Variants in TMEM217B observed in about 807,000 individuals in gnomAD.
TMEM217B encodes the protein transmembrane protein 217B, also known as putative transmembrane protein 217B.
the TMEM217B span, among the ~76,000 whole-genome samples, chr6:37,227,395 C>A: frequency 6.6e-6 from 1 of 152,112 alleles, no homozygotes; most frequent in South Asian, 2.1e-4. Context: ...CCCATCTATG[C>A]GGCAAAACTT....
the TMEM217B span, among the ~76,000 whole-genome samples, chr6:37,229,335 G>GTTTTGTTTT: frequency 1.3e-5 from 1 of 74,368 alleles, no homozygotes; most frequent in Non-Finnish European, 2.3e-5. Context: ...GCAACTTTCA[G>GTTTTGTTTT]TTTTTTTTTT....
the TMEM217B span, among the ~76,000 whole-genome samples, chr6:37,227,869 A>G: frequency 2.0e-5 from 3 of 152,122 alleles, no homozygotes; most frequent in African/African-American, 7.2e-5. Context: ...TTTACTTTGT[A>G]TATATCTTGA....
At chr6:37,217,424 T>C in the TMEM217B span, among the ~76,000 whole-genome samples, 1 of 152,246 alleles carries the variant, frequency 6.6e-6, no homozygotes, top group African/African-American at 2.4e-5. Flanking sequence ...TAATTTACTT[T>C]CTTCCACTAA....
the TMEM217B span, among the ~76,000 whole-genome samples, chr6:37,240,440 G>A: frequency 6.6e-6 from 1 of 152,098 alleles, no homozygotes; most frequent in South Asian, 2.1e-4. Context: ...CCTTTCTATA[G>A]TCCACTTGAA....
At chr6:37,254,266 A>G in the TMEM217B span, among the ~76,000 whole-genome samples, 1 of 152,306 alleles carries the variant, frequency 6.6e-6, no homozygotes, top group South Asian at 2.1e-4. Context: ...GCACTGGTCT[A>G]GTGGACCAGT....
chr6:37,215,597 A>T, the TMEM217B span, among the ~76,000 whole-genome samples: 1 of 146,884 alleles, frequency 6.8e-6, no homozygotes, highest in Non-Finnish European at 1.5e-5. Context: ...AAAAAAAAAA[A>T]AAAAGAAAAG....
the TMEM217B span, among the ~76,000 whole-genome samples, chr6:37,230,210 A>T: frequency 6.6e-6 from 1 of 152,228 alleles, no homozygotes; most frequent in South Asian, 2.1e-4. Flanking sequence ...AACTGGAGAA[A>T]GTTCTCTCCA....
At chr6:37,249,683 A>G in the TMEM217B span, among the ~76,000 whole-genome samples, 2 of 152,188 alleles carry the variant, frequency 1.3e-5, no homozygotes, top group Non-Finnish European at 2.9e-5. Flanking sequence ...TTCCTGTTCA[A>G]CCAAATTTTG....
chr6:37,235,234 C>A, the TMEM217B span, among the ~76,000 whole-genome samples: 2 of 152,100 alleles, frequency 1.3e-5, no homozygotes, highest in Non-Finnish European at 2.9e-5. Context: ...GGAAGTGATT[C>A]CAATTCCATC....
At chr6:37,223,508 C>G in the TMEM217B span, among the ~76,000 whole-genome samples, 9 of 152,166 alleles carry the variant, frequency 5.9e-5, no homozygotes, top group Non-Finnish European at 7.3e-5. Flanking sequence ...ATACTCAACT[C>G]AAATATTTTT....
At chr6:37,233,089 G>A in the TMEM217B span, among the ~76,000 whole-genome samples, 5 of 152,264 alleles carry the variant, frequency 3.3e-5, no homozygotes, top group South Asian at 6.2e-4. Context: ...CATACTCAAC[G>A]AGAATGCCTC....
chr6:37,239,687 T>C, the TMEM217B span, among the ~76,000 whole-genome samples: 13 of 152,176 alleles, frequency 8.5e-5, no homozygotes, highest in South Asian at 2.5e-3. Flanking sequence ...GTGATCTCAG[T>C]AGAATATGTT....
chr6:37,239,418 T>C, the TMEM217B span, among the ~76,000 whole-genome samples: 2 of 152,076 alleles, frequency 1.3e-5, no homozygotes, highest in African/African-American at 4.8e-5. Flanking sequence ...GAGGCTGCAG[T>C]GAACCATGAT....
the TMEM217B span, among the ~76,000 whole-genome samples, chr6:37,213,987 C>T: frequency 1.3e-5 from 2 of 152,224 alleles, no homozygotes; most frequent in Non-Finnish European, 2.9e-5. Flanking sequence ...GAAGCCTGAC[C>T]TGGCCTCTCT....
At chr6:37,243,365 A>C in the TMEM217B span, among the ~76,000 whole-genome samples, 37 of 152,284 alleles carry the variant, frequency 2.4e-4, no homozygotes, top group African/African-American at 4.8e-4. Context: ...AAGGGGGAAA[A>C]AAATGGAGGA....
chr6:37,243,747 C>T, the TMEM217B span, among the ~76,000 whole-genome samples: 6 of 152,260 alleles, frequency 3.9e-5, no homozygotes, highest in South Asian at 1.2e-3. Context: ...TACAGGCATG[C>T]ACCACCACAC....
At chr6:37,226,835 G>A in the TMEM217B span, among the ~76,000 whole-genome samples, 2 of 152,016 alleles carry the variant, frequency 1.3e-5, no homozygotes, top group East Asian at 3.9e-4. Context: ...CAAAGTGCTG[G>A]GATTACAGGT....
chr6:37,257,774 A>G, the TMEM217B span: 4 of 883,106 alleles, frequency 4.5e-6, no homozygotes, highest in East Asian at 1.1e-4. Context: ...GGGTGCCCAC[A>G]TCCAAGATGG....
the TMEM217B span, among the ~76,000 whole-genome samples, chr6:37,241,701 G>A: frequency 6.6e-6 from 1 of 152,078 alleles, no homozygotes; most frequent in Non-Finnish European, 1.5e-5. Context: ...GCAATATCCA[G>A]GCCAATTTAA....
Sources: allele counts gnomAD v4.1 joint callset (sites outside exome capture counted in the v4.1 genomes callset), GRCh38; gene constraint gnomAD v4.1.1; transcripts MANE v1.5; gene names NCBI Gene and HGNC (gene_info 2026-07-23, HGNC 2026-07-21).